Variants in B3GALT5 observed in about 807,000 individuals in gnomAD.
B3GALT5 encodes the protein UDP-Gal:betaGlcNAc beta 1,3-galactosyltransferase, polypeptide 5.
For synonymous variants in B3GALT5, 156 were observed against 158.6 expected (o/e 0.98, Z 0.12); for missense variants, 328 against 396.6 (o/e 0.83, Z 1.47).
rs145115993 is a variant in B3GALT5 at position 39,621,970 on chromosome 21, G to A, written c.-392+8903G>A. 7.9e-5 allele frequency among the ~76,000 whole-genome samples: 12 copies of A among 151,144 alleles called. No individual in the cohort carries two copies. In the East Asian group the frequency reaches 9.7e-4, roughly 12 times the overall value. Reference sequence around the variant, plus strand: ...TTCAAATGTTTATTGCTCTTTTTTCGTAGCTTCTTGAAGTATATGCTTAAT... The same window carrying A: ...TTCAAATGTTTATTGCTCTTTTTTCATAGCTTCTTGAAGTATATGCTTAAT... On this transcript the variant is annotated intron_variant, in intron 1 of 3. Coordinates refer to ENST00000684187, the MANE Select transcript of B3GALT5 (RefSeq NM_001356336.2).
At chr21:39,632,774 G>A (rs2079200561) in intron 1 of B3GALT5, among the ~76,000 whole-genome samples, 1 of 152,204 alleles carries the variant, frequency 6.6e-6, no homozygotes, top group Non-Finnish European at 1.5e-5. Context: ...TGGTGGTAGG[G>A]ATGGGGGTAT....
chr21:39,615,583 G>T (rs530610696), intron 1 of B3GALT5, among the ~76,000 whole-genome samples: 1 of 152,216 alleles, frequency 6.6e-6, no homozygotes, highest in Admixed American at 6.5e-5. Flanking sequence ...AAATATTCTT[G>T]CAGAGATAAA....
chr21:39,661,721 C>G lies in B3GALT5; in HGVS notation c.*229C>G, dbSNP rs2079527779. On this transcript the variant is annotated 3_prime_UTR_variant, in exon 4 of 4. Coordinates refer to ENST00000684187, the MANE Select transcript of B3GALT5 (RefSeq NM_001356336.2). This position sits in a 1 kb window ranked among gnomAD's most constrained non-coding sequence, Gnocchi z 4.7. ...CTTCATACTAAGTGTTTGACATACA[C>G]CTGGATTTTTGCATTTCAGGGGTCA... 1 of 427,174 alleles carries G rather than the reference C, an allele frequency of 2.3e-6. No individual in the cohort carries two copies. The highest frequency in any genetic ancestry group is 2.0e-5 in the African/African-American group (1 of 49,336). The allele number at this position is 427,174 out of a possible 1,614,324, so 26.5% of individuals were successfully genotyped here.
At chr21:39,639,301 T>C (rs935507787) in intron 1 of B3GALT5, among the ~76,000 whole-genome samples, 3 of 73,496 alleles carry the variant, frequency 4.1e-5, no homozygotes. Flanking sequence ...TTTCTTTCTT[T>C]CTTTCTTTCT....
intron 2 of B3GALT5, 38 bp from the exon 3 acceptor site, chr21:39,659,715 G>A (rs950086279): frequency 1.0e-6 from 1 of 980,662 alleles, no homozygotes; most frequent in Non-Finnish European, 1.2e-6. Context: ...GGTAAGGCAC[G>A]AGTGATTTGA....
At chr21:39,624,344 C>T (rs1375697316) in intron 1 of B3GALT5, among the ~76,000 whole-genome samples, 1 of 152,118 alleles carries the variant, frequency 6.6e-6, no homozygotes, top group Non-Finnish European at 1.5e-5. Flanking sequence ...ATATTTTTGG[C>T]CAATTTGAAC....
intron 1 of B3GALT5, among the ~76,000 whole-genome samples, chr21:39,615,583 G>A (rs530610696): frequency 9.8e-5 from 15 of 152,336 alleles, no homozygotes; most frequent in African/African-American, 3.1e-4. Context: ...AAATATTCTT[G>A]CAGAGATAAA....
intron 1 of B3GALT5, among the ~76,000 whole-genome samples, chr21:39,628,730 G>A (rs771608810): frequency 6.6e-5 from 10 of 152,154 alleles, no homozygotes; most frequent in South Asian, 2.1e-4. Context: ...GGACCATGTC[G>A]AGTGATTATA....
chr21:39,632,015 C>G (rs1258993780), intron 1 of B3GALT5, among the ~76,000 whole-genome samples: 1 of 152,184 alleles, frequency 6.6e-6, no homozygotes, highest in Non-Finnish European at 1.5e-5. Context: ...AGTGTAGTGT[C>G]CACTGGGAGG....
At chr21:39,645,597 G>T (rs535488385) in intron 1 of B3GALT5, among the ~76,000 whole-genome samples, 1 of 152,178 alleles carries the variant, frequency 6.6e-6, no homozygotes, top group South Asian at 2.1e-4. Context: ...TTTCACATCT[G>T]TGTGAGGTGG....
chr21:39,655,438 C>T (rs1043168732), intron 2 of B3GALT5, among the ~76,000 whole-genome samples: 22 of 152,170 alleles, frequency 1.4e-4, no homozygotes, highest in South Asian at 6.2e-4. Flanking sequence ...AGCTGGGTGC[C>T]GGGAGGACTT....
intron 1 of B3GALT5, among the ~76,000 whole-genome samples, chr21:39,631,061 G>A (rs2079189402): frequency 1.3e-5 from 2 of 152,226 alleles, no homozygotes; most frequent in South Asian, 4.1e-4. Context: ...GCTTAGCAAA[G>A]TACATAGAAG....
At chr21:39,626,495 G>A (rs2079164570) in intron 1 of B3GALT5, among the ~76,000 whole-genome samples, 2 of 152,086 alleles carry the variant, frequency 1.3e-5, no homozygotes, top group South Asian at 2.1e-4. Flanking sequence ...GTTTTTTGAG[G>A]AGCTGTGATA....
At chr21:39,658,020 G>A in intron 2 of B3GALT5, 1 of 826,388 alleles carries the variant, frequency 1.2e-6, no homozygotes, top group Non-Finnish European at 1.6e-6. Flanking sequence ...GACACAGGCT[G>A]CCCTTTCCAG....
chr21:39,628,184 G>A (rs1348170766), intron 1 of B3GALT5, among the ~76,000 whole-genome samples: 1 of 152,180 alleles, frequency 6.6e-6, no homozygotes, highest in Non-Finnish European at 1.5e-5. Flanking sequence ...TATAAATACG[G>A]TAAGTAAATT....
chr21:39,618,879 G>A (rs868572459), intron 1 of B3GALT5, among the ~76,000 whole-genome samples: 3 of 152,060 alleles, frequency 2.0e-5, no homozygotes, highest in Non-Finnish European at 4.4e-5. Context: ...TATAAAGATT[G>A]TCTCATATAC....
chr21:39,643,819 G>A (rs1053810954), intron 1 of B3GALT5, among the ~76,000 whole-genome samples: 1 of 152,160 alleles, frequency 6.6e-6, no homozygotes, highest in Non-Finnish European at 1.5e-5. Context: ...CTACCTTCCC[G>A]CAGCTCCTCG....
At position 39,659,833 on chromosome 21, in the gene B3GALT5, T is replaced by C. The variant is rs1168616671; in HGVS notation, c.-80T>C. The C allele has an allele frequency of 2.0e-6, 2 of 985,170 alleles. No individual in the cohort carries two copies. Among genetic ancestry groups the C allele is most frequent in the East Asian group, 2.3e-4 (2 of 8,816 alleles). The allele number at this position is 985,170 out of a possible 1,614,324, so 61.0% of individuals were successfully genotyped here. ...ATTATGGAGCATTCTACACTGACAG[T>C]TCTTTGAGACAAATTTCCTCTTGGC... On this transcript the variant is annotated 5_prime_UTR_variant, in exon 3 of 4. Transcript: ENST00000684187.
intron 1 of B3GALT5, 67 bp downstream of exon 1, chr21:39,613,134 G>C (rs1038406124): frequency 1.3e-5 from 2 of 149,208 alleles, no homozygotes; most frequent in Admixed American, 1.3e-4. Flanking sequence ...CGGGTCCTGC[G>C]GCGCGCGGGG....
Sources: gnomAD v4.1 joint callset for allele counts (sites outside exome capture counted in the v4.1 genomes callset) on GRCh38, gnomAD v4.1.1 for gene constraint, Gnocchi (gnomAD v3.1) non-coding constraint, MANE v1.5 for transcripts, NCBI Gene and HGNC (gene_info 2026-07-23, HGNC 2026-07-21) for gene names.